Variants in MGAT4C observed in about 807,000 individuals in gnomAD.
MGAT4C encodes alpha-1,3-mannosyl-glycoprotein 4-beta-N-acetylglucosaminyltransferase C.
In MGAT4C, 19 loss-of-function variants were observed where a neutral mutation model predicts 40.1. The observed-to-expected ratio is 0.47, with a 90% CI of 0.33 to 0.70. The LOEUF is 0.70. MGAT4C is among the 30% of genes least tolerant of loss of function. The pLI is 0.02. For synonymous variants in MGAT4C, 181 were observed against 187.1 expected, an observed-to-expected ratio of 0.97 and a Z score of 0.27; for missense variants, 491 against 563.2, an observed-to-expected ratio of 0.87 and a Z score of 1.30.
intron 3 of MGAT4C, among the ~76,000 whole-genome samples, chr12:86,419,196 T>TA (rs1457968639): frequency 6.6e-6 from 1 of 152,096 alleles, no homozygotes; most frequent in Non-Finnish European, 1.5e-5. Flanking sequence ...GTTATTAATG[T>TA]AGAATTTAAT....
intron 4 of MGAT4C, among the ~76,000 whole-genome samples, chr12:86,268,690 T>C (rs1373628356): frequency 1.4e-5 from 2 of 146,694 alleles, no homozygotes; most frequent in Non-Finnish European, 3.0e-5. Context: ...CATATATACA[T>C]ATATATACAC....
At chr12:86,533,572 A>G (rs1168511276) in intron 2 of MGAT4C, among the ~76,000 whole-genome samples, 1 of 151,790 alleles carries the variant, frequency 6.6e-6, no homozygotes, top group Non-Finnish European at 1.5e-5. Context: ...GTGTGCGTGT[A>G]TGTATATACA....
chr12:86,396,865 A>C (rs1956272114), intron 3 of MGAT4C, among the ~76,000 whole-genome samples: 1 of 137,894 alleles, frequency 7.3e-6, no homozygotes, highest in Non-Finnish European at 1.6e-5. Context: ...GGATTTTCCA[A>C]CAATATCTTT....
intron 1 of MGAT4C, among the ~76,000 whole-genome samples, chr12:86,234,205 C>T (rs1471484353): frequency 2.0e-5 from 3 of 151,976 alleles, no homozygotes; most frequent in African/African-American, 4.8e-5. Context: ...TTCCAGAGAA[C>T]ATCTGATAAT....
chr12:86,763,808 T>C (rs780504088), intron 1 of MGAT4C, among the ~76,000 whole-genome samples: 1 of 152,134 alleles, frequency 6.6e-6, no homozygotes. Flanking sequence ...ATTACACTTA[T>C]AGATCATTTC....
At chr12:86,472,540 T>A (rs575094966) in intron 2 of MGAT4C, among the ~76,000 whole-genome samples, 8 of 152,128 alleles carry the variant, frequency 5.3e-5, no homozygotes, top group Non-Finnish European at 1.2e-4. Context: ...AAGTTCTAAT[T>A]TATTTTCATC....
rs183244327 is a variant in MGAT4C at position 86,240,452 on chromosome 12, T to A, written c.-57+15787A>T. ...ATACTGTTCTACATTTGTGGGTTTT[T>A]AACAACAATATTTATTGGATAACTT... On this transcript the variant is annotated intron_variant, in intron 1 of 4. Coordinates refer to ENST00000611864, the MANE Select transcript of MGAT4C (RefSeq NM_001351288.2). Among the ~76,000 whole-genome samples, 3 of 152,224 alleles carry A rather than the reference T, an allele frequency of 2.0e-5. No individual in the cohort carries two copies. In the East Asian group the frequency reaches 5.8e-4, roughly 29 times the overall value.
intron 3 of MGAT4C, among the ~76,000 whole-genome samples, chr12:86,434,442 A>G (rs889165595): frequency 2.6e-5 from 4 of 152,044 alleles, no homozygotes; most frequent in East Asian, 3.9e-4. Flanking sequence ...ACATGTGTAT[A>G]TGTATACACA....
intron 1 of MGAT4C, among the ~76,000 whole-genome samples, chr12:86,224,320 C>T (rs548102535): frequency 1.3e-5 from 2 of 152,112 alleles, no homozygotes; most frequent in East Asian, 3.9e-4. Context: ...ATTACTAGAT[C>T]TAAATAAAAA....
chr12:86,254,399 T>A (rs1318247014), intron 1 of MGAT4C, among the ~76,000 whole-genome samples: 1 of 151,950 alleles, frequency 6.6e-6, no homozygotes, highest in Non-Finnish European at 1.5e-5. Context: ...AAAGAAGGAA[T>A]CATACACAGA....
At chr12:86,680,676 A>G (rs1048085418) in intron 2 of MGAT4C, among the ~76,000 whole-genome samples, 4 of 152,080 alleles carry the variant, frequency 2.6e-5, no homozygotes, top group African/African-American at 9.6e-5. Context: ...CAATTAACCT[A>G]TCTAATTTTT....
chr12:86,759,724 C>T (rs1951368277), intron 1 of MGAT4C, among the ~76,000 whole-genome samples: 1 of 152,034 alleles, frequency 6.6e-6, no homozygotes, highest in Admixed American at 6.6e-5. Context: ...CATTAAGAAA[C>T]AGGTTTTTTT....
chr12:86,660,547 A>C (rs1360113756), intron 2 of MGAT4C, among the ~76,000 whole-genome samples: 1 of 152,162 alleles, frequency 6.6e-6, no homozygotes, highest in Non-Finnish European at 1.5e-5. Context: ...CAGATTTTTA[A>C]ATTTTCTACA....
intron 1 of MGAT4C, among the ~76,000 whole-genome samples, chr12:86,240,880 A>C (rs1951756261): frequency 6.6e-6 from 1 of 152,136 alleles, no homozygotes; most frequent in Admixed American, 6.6e-5. Flanking sequence ...TATGGGACCA[A>C]GTCTAGAATT....
chr12:86,637,189 C>A (rs190467309), intron 2 of MGAT4C, among the ~76,000 whole-genome samples: 11 of 152,046 alleles, frequency 7.2e-5, no homozygotes, highest in African/African-American at 2.2e-4. Flanking sequence ...AGCCTCTAAT[C>A]TTCTACTATC....
In MGAT4C at chr12:86,457,200, G is replaced by T. The variant is rs75129459; in HGVS notation, c.-228-21935C>A. ...ATATATCATCCTTTTTATTATAATA[G>T]AATTAATTTAATAACTAGTCAACTA... On this transcript the variant is annotated intron_variant, in intron 2 of 7. Coordinates refer to the MGAT4C transcript ENST00000548651. Among the ~76,000 whole-genome samples, 2,980 of 151,760 alleles carry T rather than the reference G, an allele frequency of 0.02. 214 individuals are homozygous for T. In the East Asian group the frequency reaches 0.24, roughly 12 times the overall value.
intron 1 of MGAT4C, among the ~76,000 whole-genome samples, chr12:86,780,604 GT>G (rs1468305565): frequency 6.6e-6 from 1 of 152,154 alleles, no homozygotes; most frequent in Admixed American, 6.5e-5. Flanking sequence ...TGATTGTTAA[GT>G]TTCCTGAGCC....
chr12:86,268,935 C>A (rs550018503), intron 4 of MGAT4C, among the ~76,000 whole-genome samples: 6 of 139,808 alleles, frequency 4.3e-5, no homozygotes, highest in African/African-American at 1.6e-4. Context: ...TATTACAGTA[C>A]CCCTTTCGAA....
At chr12:86,542,894 A>G (rs1959175330) in intron 2 of MGAT4C, among the ~76,000 whole-genome samples, 3 of 152,208 alleles carry the variant, frequency 2.0e-5, no homozygotes, top group African/African-American at 7.2e-5. Context: ...TAAACTTAAA[A>G]ACATTTTAAA....
Sources: gnomAD v4.1 joint callset for allele counts (sites outside exome capture counted in the v4.1 genomes callset) on GRCh38, gnomAD v4.1.1 for gene constraint, MANE v1.5 for transcripts, NCBI Gene and HGNC (gene_info 2026-07-23, HGNC 2026-07-21) for gene names.